Variants in TLN2 observed in about 807,000 individuals in gnomAD.
The protein encoded by TLN2 is talin 2.
Under a neutral mutation model 294.7 loss-of-function variants are expected in TLN2, and 118 were observed. That is an observed-to-expected ratio of 0.40 (90% CI 0.34 to 0.47). TLN2 has a LOEUF of 0.47. Among genes scored for constraint, TLN2 ranks in the 20% least tolerant of loss-of-function variants. The pLI is 0.84. For missense variants in TLN2, 3,083 were observed against 3,282.2 expected (o/e 0.94, Z 1.48); for synonymous variants, 1,431 against 1,304.5 (o/e 1.10, Z -2.09).
At chr15:62,649,387 C>G (rs1567261020) in intron 4 of TLN2, among the ~76,000 whole-genome samples, 1 of 151,990 alleles carries the variant, frequency 6.6e-6, no homozygotes, top group East Asian at 1.9e-4. Flanking sequence ...TAAGAAACAG[C>G]AGGAGCTCTT....
chr15:62,791,211 T>C (rs1210990403), intron 45 of TLN2, among the ~76,000 whole-genome samples: 2 of 150,166 alleles, frequency 1.3e-5, no homozygotes, highest in Non-Finnish European at 3.0e-5. Flanking sequence ...AAAAATTAGC[T>C]GGGTGTTGTG....
At chr15:62,416,627 A>G (rs1402759267) in intron 1 of TLN2, among the ~76,000 whole-genome samples, 1 of 152,214 alleles carries the variant, frequency 6.6e-6, no homozygotes, top group African/African-American at 2.4e-5. Context: ...CCCAGAATAT[A>G]GCATTATCTT....
At chr15:62,442,825 A>G (rs550205771) in intron 1 of TLN2, among the ~76,000 whole-genome samples, 97 of 152,340 alleles carry the variant, frequency 6.4e-4, no homozygotes, top group African/African-American at 2.2e-3. Flanking sequence ...CCTAAACTCA[A>G]GGTGTCAGCA....
At chr15:62,748,110 A>G (rs535235032) in intron 32 of TLN2, among the ~76,000 whole-genome samples, 1 of 152,114 alleles carries the variant, frequency 6.6e-6, no homozygotes, top group Non-Finnish European at 1.5e-5. Context: ...TCAAAGGTCA[A>G]CTGTATTAGG....
intron 1 of TLN2, among the ~76,000 whole-genome samples, chr15:62,425,788 T>C (rs548759370): frequency 6.6e-6 from 1 of 152,222 alleles, no homozygotes; most frequent in African/African-American, 2.4e-5. Context: ...TCAGTTGGTA[T>C]GCAGCATGTG....
At chr15:62,468,670 G>C (rs550971718) in intron 1 of TLN2, among the ~76,000 whole-genome samples, 1 of 151,786 alleles carries the variant, frequency 6.6e-6, no homozygotes, top group African/African-American at 2.4e-5. Context: ...GCGTGAACCC[G>C]GGAGGCGGAG....
At chr15:62,481,795 T>TTTA (rs2038108234) in intron 1 of TLN2, among the ~76,000 whole-genome samples, 1 of 115,808 alleles carries the variant, frequency 8.6e-6, no homozygotes, top group Admixed American at 9.2e-5. Flanking sequence ...TTTTTCTTTC[T>TTTA]TTCTTTTTTT....
intron 19 of TLN2, among the ~76,000 whole-genome samples, chr15:62,703,650 C>CACACACACACAG (rs34685862): frequency 2.6e-4 from 39 of 149,918 alleles, no homozygotes; most frequent in South Asian, 1.3e-3. Flanking sequence ...CACACACACA[C>CACACACACACAG]AGAGAAAGAG....
chr15:62,515,183 T>C (rs1036042646), intron 1 of TLN2, among the ~76,000 whole-genome samples: 3 of 152,206 alleles, frequency 2.0e-5, no homozygotes, highest in African/African-American at 4.8e-5. Flanking sequence ...CTATCTTCAG[T>C]CATACTCCCA....
chr15:62,520,437 A>G (rs2040399614), intron 1 of TLN2, among the ~76,000 whole-genome samples: 3 of 152,226 alleles, frequency 2.0e-5, no homozygotes, highest in Non-Finnish European at 4.4e-5. Flanking sequence ...TAATGTCTAC[A>G]TGTGTGTAAG....
intron 25 of TLN2, among the ~76,000 whole-genome samples, chr15:62,721,040 C>T (rs1423314702): frequency 1.3e-5 from 2 of 152,174 alleles, no homozygotes; most frequent in Non-Finnish European, 2.9e-5. Flanking sequence ...GATTGTAGGG[C>T]ATTAAGATAG....
chr15:62,708,728 G>T lies in TLN2; in HGVS notation c.2399G>T (p.Arg800Leu), dbSNP rs764624691. Residue 800 changes from arginine (R) to leucine (L), a missense_variant, in exon 21 of 59, where the codon CGC becomes CTC. Transcript: ENST00000636159. ...QFASRGEPIG[R>L]YDQATDTIMC... ...GCCAGCCGAGGCGAGCCCATCGGCC[G>T]CTACGACCAGGCTACTGACACCATC... 3 of 1,612,148 alleles carry T rather than the reference G, an allele frequency of 1.9e-6. No individual in the cohort carries two copies. Among genetic ancestry groups the T allele is most frequent in the Admixed American group, 3.3e-5 (2 of 60,028 alleles).
intron 1 of TLN2, among the ~76,000 whole-genome samples, chr15:62,392,853 G>A (rs1383617005): frequency 6.6e-6 from 1 of 152,114 alleles, no homozygotes; most frequent in Non-Finnish European, 1.5e-5. Flanking sequence ...ATTTCATGAA[G>A]CGCCTGCAAA....
chr15:62,822,577 ATGGCCCTGGGTGGCAG>A (rs776843786), intron 54 of TLN2, among the ~76,000 whole-genome samples: 16 of 152,192 alleles, frequency 1.1e-4, no homozygotes, highest in African/African-American at 1.4e-4. Flanking sequence ...AGGGCTATGT[ATGGCCCTGGGTGGCAG>A]TTTCAGTCCA....
chr15:62,583,124 T>C (rs2045284963), intron 1 of TLN2, among the ~76,000 whole-genome samples: 1 of 152,246 alleles, frequency 6.6e-6, no homozygotes, highest in South Asian at 2.1e-4. Flanking sequence ...TTTGAAGGTG[T>C]TGTAACATCT....
At chr15:62,462,094 G>A (rs2036841720) in intron 1 of TLN2, among the ~76,000 whole-genome samples, 2 of 152,164 alleles carry the variant, frequency 1.3e-5, no homozygotes, top group South Asian at 4.1e-4. Context: ...AATTAGCCGG[G>A]CGTGGTGGCG....
At chr15:62,470,212 T>G (rs1490613189) in intron 1 of TLN2, among the ~76,000 whole-genome samples, 1 of 152,150 alleles carries the variant, frequency 6.6e-6, no homozygotes, top group Non-Finnish European at 1.5e-5. Flanking sequence ...AGTCAGTGTT[T>G]CCAACCTATG....
intron 9 of TLN2, among the ~76,000 whole-genome samples, chr15:62,662,297 A>G (rs2053938408): frequency 6.6e-6 from 1 of 152,194 alleles, no homozygotes. Flanking sequence ...TAAATTTACA[A>G]TCTTGAAAGA....
chr15:62,728,330 A>G (rs545271793), intron 28 of TLN2, among the ~76,000 whole-genome samples: 3 of 152,230 alleles, frequency 2.0e-5, no homozygotes, highest in East Asian at 1.9e-4. Context: ...CATTATCTCT[A>G]TGGTATTATA....
Sources: gnomAD v4.1 joint callset for allele counts (sites outside exome capture counted in the v4.1 genomes callset) on GRCh38, gnomAD v4.1.1 for gene constraint, MANE v1.5 for transcripts, NCBI Gene and HGNC (gene_info 2026-07-23, HGNC 2026-07-21) for gene names.